NOTCH4: variants seen among roughly 807,000 people sequenced by gnomAD.
NOTCH4 encodes notch receptor 4, also known as neurogenic locus notch homolog protein 4.
Under a neutral mutation model 189.0 loss-of-function variants are expected in NOTCH4, and 138 were observed. The observed-to-expected ratio is 0.73, with a 90% CI of 0.64 to 0.84. The LOEUF (loss-of-function observed/expected upper bound fraction) is 0.84. NOTCH4 is among the 40% of genes least tolerant of loss of function. NOTCH4 has a pLI of 0.00. For synonymous variants in NOTCH4, 942 were observed against 1,032.8 expected (o/e 0.91, Z 1.69); for missense variants, 2,286 against 2,605.4 (o/e 0.88, Z 2.67).
chr6:32,205,218 G>C (rs1046273248), intron 18 of NOTCH4, among the ~76,000 whole-genome samples: 1 of 151,590 alleles, frequency 6.6e-6, no homozygotes, highest in African/African-American at 2.4e-5. Flanking sequence ...GGAAGGAACA[G>C]GTGATGGGGG....
chr6:32,212,896 C>A lies in NOTCH4; in HGVS notation c.2454G>T (p.Arg818Ser). ...PSCADSPCRN[R>S]ATCQDSPQGP... The stretch of plus-strand genomic sequence containing the variant: ...CCTGAGGGCTGTCCTGGCAGGTTGC[C>A]CTATTCCTACAGGGGCTGAACAAGA... The change falls in exon 16 of 30, where the codon AGG (arginine) becomes AGT (serine). Residue 818 changes from arginine (R) to serine (S), a missense_variant. Arg to Ser is a moderately radical substitution (Grantham distance 110, BLOSUM62 -1). Coordinates refer to ENST00000375023, the MANE Select transcript of NOTCH4 (RefSeq NM_004557.4). This position sits in a 1 kb window ranked among gnomAD's most constrained non-coding sequence, Gnocchi z 4.4. The A allele has an allele frequency of 6.4e-7, 1 of 1,560,618 alleles. No individual in the cohort carries two copies. The highest frequency in any genetic ancestry group is 2.4e-5 in the East Asian group (1 of 41,960).
At position 32,202,026 on chromosome 6, in the gene NOTCH4, C is replaced by T; in HGVS notation, c.3755+50G>A. 2 of 1,422,138 alleles carry T rather than the reference C, an allele frequency of 1.4e-6. No individual in the cohort carries two copies. The highest frequency in any genetic ancestry group is 1.9e-6 in the Non-Finnish European group (2 of 1,080,242). 88.1% of individuals were successfully genotyped at this position (1,422,138 alleles called of 1,614,324 possible). On this transcript the variant is annotated intron_variant, in intron 21 of 29. Transcript: ENST00000375023. The surrounding 1 kb of genome is among the most constrained non-coding windows in gnomAD (Gnocchi z 5.7). ...CAGAGCCATCTACGTCCTTCCTCCT[C>T]CTCTCACCCACCCCTCTCCTTCCCT...
rs1789904333 is a variant in NOTCH4, at chr6:32,223,188, G to A, written c.74-102C>T. On this transcript the variant is annotated intron_variant, in intron 1 of 29. Coordinates refer to ENST00000375023, the MANE Select transcript of NOTCH4 (RefSeq NM_004557.4). ...AGACCTGCCCACAGCAGCTCCCACA[G>A]GTACTCTAAACCACCTCTTCTTCAC... The A allele has an allele frequency of 5.8e-6, 5 of 856,486 alleles. No homozygotes were observed. In the Admixed American group the frequency reaches 7.0e-5, roughly 12 times the overall value. The allele number at this position is 856,486 out of a possible 1,614,324, so 53.1% of individuals were successfully genotyped here.
chr6:32,212,414 G>A lies in NOTCH4; in HGVS notation c.2680+60C>T, dbSNP rs538791005. ...CTGTGTGGAAGCCCACAGGAACGGG[G>A]CAGGTGAGAACACCCATATTTTCTT... On this transcript the variant is annotated intron_variant, in intron 17 of 29. Coordinates refer to ENST00000375023, the MANE Select transcript of NOTCH4 (RefSeq NM_004557.4). This position sits in a 1 kb window ranked among gnomAD's most constrained non-coding sequence, Gnocchi z 4.4. 3.3e-6 allele frequency: 5 copies of A among 1,501,356 alleles called. No homozygotes were observed. The highest frequency in any genetic ancestry group is 1.4e-5 in the African/African-American group (1 of 72,110). 93.0% of individuals were successfully genotyped at this position (1,501,356 alleles called of 1,614,324 possible).
In NOTCH4 at chr6:32,210,736, C is replaced by T. The variant is rs1018416669; in HGVS notation, c.2865+16G>A. On this transcript the variant is annotated intron_variant, in intron 18 of 29. Transcript: ENST00000375023. The surrounding 1 kb of genome is among the most constrained non-coding windows in gnomAD (Gnocchi z 4.8). ...ACCCTTGTCTTTCCTCCCCCTTCTC[C>T]TGCAGACCCTCTCACCTGGCAGAGA... 6.2e-7 allele frequency: 1 copy of T among 1,611,476 alleles called. No homozygotes were observed. The highest frequency in any genetic ancestry group is 1.3e-5 in the African/African-American group (1 of 75,008).
rs777681383 is a variant in NOTCH4 at position 32,217,286 on chromosome 6, T to TG, written c.1625-21dup. ...AGAATCCTGGTGGGGCGGAAGTGGG[T>TG]GGGGAGAGGAGGCCAAGGTCATCGA... On this transcript the variant is annotated intron_variant, in intron 9 of 29. Transcript: ENST00000375023. This position sits in a 1 kb window ranked among gnomAD's most constrained non-coding sequence, Gnocchi z 4.2. The TG allele has an allele frequency of 1.1e-5, 17 of 1,566,172 alleles. No homozygotes were observed. Among genetic ancestry groups the TG allele is most frequent in the Non-Finnish European group, 1.4e-5 (16 of 1,138,524 alleles).
chr6:32,214,933 G>T (rs1217812294), intron 12 of NOTCH4, among the ~76,000 whole-genome samples: 1 of 152,102 alleles, frequency 6.6e-6, no homozygotes, highest in Admixed American at 6.6e-5. Context: ...ACTGCGCCTG[G>T]CCTCAGCAGA....
chr6:32,199,428 G>A lies in NOTCH4; in HGVS notation c.4316-283C>T, dbSNP rs973145547. Among the ~76,000 whole-genome samples, 1 of 152,088 alleles carries A rather than the reference G, an allele frequency of 6.6e-6. No individual in the cohort carries two copies. The highest frequency in any genetic ancestry group is 1.5e-5 in the Non-Finnish European group (1 of 68,028). On this transcript the variant is annotated intron_variant, in intron 23 of 29. Coordinates refer to ENST00000375023, the MANE Select transcript of NOTCH4 (RefSeq NM_004557.4). The surrounding 1 kb of genome is among the most constrained non-coding windows in gnomAD (Gnocchi z 4.9). ...CTAAAAATATAAAAATTAGTGGCTG[G>A]GTGTAGTGGCTTACTCCTATAATCT...
At chr6:32,208,794 C>A (rs1200387696) in intron 18 of NOTCH4, among the ~76,000 whole-genome samples, 1 of 152,118 alleles carries the variant, frequency 6.6e-6, no homozygotes, top group South Asian at 2.1e-4. Flanking sequence ...GAAAGGGGAA[C>A]CCTCATACAC....
chr6:32,213,611 A>C, intron 14 of NOTCH4, 77 bp downstream of exon 14: 1 of 1,510,756 alleles, frequency 6.6e-7, no homozygotes, highest in South Asian at 1.3e-5. Context: ...AATTTTAAAA[A>C]ATATGACACA....
At position 32,195,784 on chromosome 6, in the gene NOTCH4, G is replaced by A. The variant is rs1787846356; in HGVS notation, c.5665C>T (p.Arg1889Trp). The A allele has an allele frequency of 6.2e-7, 1 of 1,606,326 alleles. No homozygotes were observed. The highest frequency in any genetic ancestry group is 8.5e-7 in the Non-Finnish European group (1 of 1,179,326). The part of the protein sequence containing the change: ...ARTWSVDLAA[R>W]GGGAYSHCRS... Reference sequence around the variant, plus strand: ...CAATGAGAATAGGCCCCGCCCCCCCGCGCAGCCAAGTCTACGGACCAAGTC... The same window carrying A: ...CAATGAGAATAGGCCCCGCCCCCCCACGCAGCCAAGTCTACGGACCAAGTC... The change falls in exon 30 of 30, where the codon CGG (arginine) becomes TGG (tryptophan). Residue 1889 changes from arginine to tryptophan, a missense_variant. By Grantham distance (101) the Arg-to-Trp change is moderately radical. Coordinates refer to ENST00000375023, the MANE Select transcript of NOTCH4 (RefSeq NM_004557.4). This position sits in a 1 kb window ranked among gnomAD's most constrained non-coding sequence, Gnocchi z 5.4.
In NOTCH4 at chr6:32,199,018, G is replaced by C; in HGVS notation, c.4443C>G (p.Leu1481=). 2.5e-6 allele frequency: 4 copies of C among 1,612,618 alleles called. No homozygotes were observed. The highest frequency in any genetic ancestry group is 3.4e-6 in the Non-Finnish European group (4 of 1,179,812). ...IRRRRREHGA[L]WLPPGFTRRP... ...GTCGAGTGAAACCAGGGGGCAGCCA[G>C]AGAGCTCCATGCTCTCGGCGTCGAC... The change falls in exon 24 of 30, where the codon CTC becomes CTG. Residue 1481 remains leucine, a synonymous_variant. Coordinates refer to ENST00000375023, the MANE Select transcript of NOTCH4 (RefSeq NM_004557.4). The surrounding 1 kb of genome is among the most constrained non-coding windows in gnomAD (Gnocchi z 4.9).
rs1389353993 is a variant in NOTCH4, at chr6:32,195,780, C to T, written c.5669G>A (p.Gly1890Glu). The change falls in exon 30 of 30, where the codon GGG becomes GAG. Residue 1890 changes from glycine (G) to glutamate (E), a missense_variant. Gly to Glu is a moderately conservative substitution (Grantham distance 98, BLOSUM62 -2). This residue lies in a region of NOTCH4 where 383 missense variants were observed against 343.5 expected (regional missense o/e 1.11). Transcript: ENST00000375023. This position sits in a 1 kb window ranked among gnomAD's most constrained non-coding sequence, Gnocchi z 5.4. ...RTWSVDLAARGGGAYSHCRSL... is the reference protein window; with the variant it reads ...RTWSVDLAAREGGAYSHCRSL... The stretch of plus-strand genomic sequence containing the variant: ...CCGGCAATGAGAATAGGCCCCGCCC[C>T]CCCGCGCAGCCAAGTCTACGGACCA... 5.6e-6 allele frequency: 9 copies of T among 1,607,386 alleles called. No homozygotes were observed. The highest frequency in any genetic ancestry group is 6.8e-6 in the Non-Finnish European group (8 of 1,179,486).
At position 32,195,884 on chromosome 6, in the gene NOTCH4, G is replaced by T; in HGVS notation, c.5565C>A (p.Gly1855=). 1 of 1,589,892 alleles carries T rather than the reference G, an allele frequency of 6.3e-7. No individual in the cohort carries two copies. The highest frequency in any genetic ancestry group is 8.5e-7 in the Non-Finnish European group (1 of 1,175,466). ...GCGTCCGGCAGCGCGGCAGAGCCCC[G>T]CCCCCATGCGGGGGCACGCTTACTG... ...TVSVSVPPHG[G]GALPRCRTLS... Residue 1855 remains glycine, a synonymous_variant, in exon 30 of 30, where the codon GGC becomes GGA. Coordinates refer to ENST00000375023, the MANE Select transcript of NOTCH4 (RefSeq NM_004557.4). The surrounding 1 kb of genome is among the most constrained non-coding windows in gnomAD (Gnocchi z 5.4).
In NOTCH4 at chr6:32,220,172, A is replaced by G; in HGVS notation, c.1272T>C (p.Tyr424=). ...GGTCCTGGTGGCAGGTGGGCCCCGA[A>G]TAGCCAGGCTGACACAGGCAGAGTG... is the stretch of plus-strand genomic sequence containing the variant. ...GSTLCLCQPG[Y]SGPTCHQDLD... The change falls in exon 7 of 30, where the codon TAT becomes TAC. Residue 424 remains tyrosine, a synonymous_variant. Coordinates refer to ENST00000375023, the MANE Select transcript of NOTCH4 (RefSeq NM_004557.4). 6.2e-7 allele frequency: 1 copy of G among 1,613,938 alleles called. No individual in the cohort carries two copies. Among genetic ancestry groups the G allele is most frequent in the African/African-American group, 1.3e-5 (1 of 75,032 alleles).
chr6:32,213,285 C>T, intron 14 of NOTCH4, 33 bp from the exon 15 acceptor site: 1 of 1,505,858 alleles, frequency 6.6e-7, no homozygotes, highest in Non-Finnish European at 9.2e-7. Flanking sequence ...GTTTGGGTTC[C>T]TTGCCTGTAA....
intron 20 of NOTCH4, 74 bp downstream of exon 20, chr6:32,203,696 T>TGTG: frequency 2.7e-6 from 3 of 1,115,984 alleles, no homozygotes; most frequent in Non-Finnish European, 3.9e-6. Flanking sequence ...CAGTCCCTTC[T>TGTG]GGGATTCCAA....
chr6:32,213,156 A>T lies in NOTCH4; in HGVS notation c.2417T>A (p.Leu806His). The change falls in exon 15 of 30, where the codon CTC (leucine) becomes CAC (histidine). Residue 806 changes from leucine (L) to histidine (H), a missense_variant. Physicochemically the swap from Leu to His is moderately conservative, Grantham distance 99. Transcript: ENST00000375023. ...TCACCTGTCTGCACAGCTGGGGCGGAGCTTTCCCTCACAGCGCGGGCCCTG... is the reference window on the plus strand; with the variant it reads ...TCACCTGTCTGCACAGCTGGGGCGGTGCTTTCCCTCACAGCGCGGGCCCTG... The part of the protein sequence containing the change: ...GFQGPRCEGK[L>H]RPSCADSPCR... The T allele has an allele frequency of 6.2e-7, 1 of 1,613,698 alleles. No homozygotes were observed. The highest frequency in any genetic ancestry group is 8.5e-7 in the Non-Finnish European group (1 of 1,179,806).
chr6:32,203,537 A>G (rs1385409353), intron 20 of NOTCH4: 6 of 531,578 alleles, frequency 1.1e-5, no homozygotes, highest in Non-Finnish European at 2.0e-5. Flanking sequence ...GGAGCTCCTG[A>G]CCTTCCCTTA....
Sources: allele counts gnomAD v4.1 joint callset (sites outside exome capture counted in the v4.1 genomes callset), GRCh38; gene constraint gnomAD v4.1.1; regional missense constraint gnomAD v4.1.1; non-coding constraint Gnocchi (gnomAD v3.1); transcripts MANE v1.5; gene names NCBI Gene and HGNC (gene_info 2026-07-23, HGNC 2026-07-21).